Variants in SRL observed in about 807,000 individuals in gnomAD.
The protein encoded by SRL is sarcalumenin.
A neutral mutation model predicts 39.5 loss-of-function variants in SRL; 23 were observed. The observed-to-expected ratio is 0.58, with a 90% CI of 0.42 to 0.82. The LOEUF is 0.82. Ranked by LOEUF, SRL falls within the 40% of genes least tolerant of loss-of-function variation. SRL has a pLI of 0.00. For synonymous variants in SRL, 272 were observed against 237.4 expected (o/e 1.15, Z -1.34); for missense variants, 592 against 607.8 (o/e 0.97, Z 0.27).
intron 1 of SRL, among the ~76,000 whole-genome samples, chr16:4,235,330 C>A (rs546475526): frequency 6.6e-6 from 1 of 152,200 alleles, no homozygotes; most frequent in Non-Finnish European, 1.5e-5. Context: ...AGGGCACAGG[C>A]CTCACAGCCA....
chr16:4,194,609 G>T (rs1027400542), intron 5 of SRL, among the ~76,000 whole-genome samples: 21 of 152,134 alleles, frequency 1.4e-4, no homozygotes, highest in Non-Finnish European at 3.1e-4. Context: ...CAGGCCCTTG[G>T]CTACACAGGA....
At chr16:4,222,174 T>C (rs2052538245) in intron 1 of SRL, among the ~76,000 whole-genome samples, 2 of 152,186 alleles carry the variant, frequency 1.3e-5, no homozygotes, top group South Asian at 4.1e-4. Flanking sequence ...CCAGCTCACA[T>C]TTCAGATCTC....
At chr16:4,219,434 A>C in intron 1 of SRL, among the ~76,000 whole-genome samples, 1 of 152,114 alleles carries the variant, frequency 6.6e-6, no homozygotes, top group Non-Finnish European at 1.5e-5. Flanking sequence ...GGGCAGCCAC[A>C]GTAGTGTCAG....
At chr16:4,194,729 C>T (rs1462873772) in intron 5 of SRL, among the ~76,000 whole-genome samples, 1 of 152,090 alleles carries the variant, frequency 6.6e-6, no homozygotes, top group Non-Finnish European at 1.5e-5. Flanking sequence ...CAAACCAAAT[C>T]AGTCCTTGGG....
At chr16:4,232,587 C>A (rs922155822) in intron 1 of SRL, among the ~76,000 whole-genome samples, 1 of 152,012 alleles carries the variant, frequency 6.6e-6, no homozygotes, top group Non-Finnish European at 1.5e-5. Flanking sequence ...TACAGTTCAC[C>A]GCAGCCATGA....
Position 4,192,035 on chromosome 16 carries a change from C to G in SRL, c.*118G>C. Reference sequence around the variant, plus strand: ...ACCCCTGGCCTCAATGAACTCCCAACTCTCCACTGTGTAATAATTCCTGCC... The same window carrying G: ...ACCCCTGGCCTCAATGAACTCCCAAGTCTCCACTGTGTAATAATTCCTGCC... On this transcript the variant is annotated 3_prime_UTR_variant, in exon 6 of 6. Coordinates refer to ENST00000399609, the MANE Select transcript of SRL (RefSeq NM_001098814.2). This position sits in a 1 kb window ranked among gnomAD's most constrained non-coding sequence, Gnocchi z 4.0. The G allele has an allele frequency of 8.4e-7, 1 of 1,185,974 alleles. No homozygotes were observed. The highest frequency in any genetic ancestry group is 1.2e-6 in the Non-Finnish European group (1 of 838,034). 73.5% of individuals were successfully genotyped at this position (1,185,974 alleles called of 1,614,324 possible). A position where few individuals can be genotyped will look rare whatever the true frequency, so the allele number is the denominator to read the frequency against.
At position 4,193,531 on chromosome 16, in the gene SRL, T is replaced by C. The variant is rs2052095917; in HGVS notation, c.611-567A>G. On this transcript the variant is annotated intron_variant, in intron 5 of 5. Coordinates refer to ENST00000399609, the MANE Select transcript of SRL (RefSeq NM_001098814.2). ...GGAATGTGGGCTTAGCATTGAGACC[T>C]GGACTAGAATTTGAGCTTTGCCCCT... Among the ~76,000 whole-genome samples the C allele has an allele frequency of 2.6e-5, 4 of 152,344 alleles. No individual in the cohort carries two copies. In the South Asian group the frequency reaches 8.3e-4, roughly 32 times the overall value.
intron 1 of SRL, among the ~76,000 whole-genome samples, chr16:4,224,712 C>T (rs1021648895): frequency 1.3e-5 from 2 of 151,062 alleles, no homozygotes; most frequent in Admixed American, 6.6e-5. Flanking sequence ...AGAGCAAGAC[C>T]CTATCTCGAG....
intron 1 of SRL, among the ~76,000 whole-genome samples, chr16:4,208,828 A>G (rs2386881): frequency 0.56 from 84,849 of 151,902 alleles, 24,715 homozygotes; most frequent in African/African-American, 0.72. Context: ...CTGGCTTCCC[A>G]AAGGCTCTGG....
chr16:4,216,303 T>C (rs944025406), intron 1 of SRL, among the ~76,000 whole-genome samples: 8 of 152,132 alleles, frequency 5.3e-5, no homozygotes, highest in Non-Finnish European at 8.8e-5. Context: ...TGAGACAGCA[T>C]CTCTGTCACT....
At position 4,204,228 on chromosome 16, in the gene SRL, C is replaced by A. The variant is rs2059297; in HGVS notation, c.163+305G>T. ...AAAATCACAGCGAGGGAGATGGCAT[C>A]AGCACAGCATGGGGCTGCACTGGCT... is the stretch of plus-strand genomic sequence containing the variant. On this transcript the variant is annotated intron_variant, in intron 2 of 5. Transcript: ENST00000399609. 1.1e-4 allele frequency among the ~76,000 whole-genome samples: 16 copies of A among 152,194 alleles called. No individual in the cohort carries two copies. In the South Asian group the frequency reaches 1.7e-3, roughly 16 times the overall value.
In SRL at chr16:4,214,293, G is replaced by A. The variant is rs117249789; in HGVS notation, c.62-9659C>T. Among the ~76,000 whole-genome samples, 35 of 152,330 alleles carry A rather than the reference G, an allele frequency of 2.3e-4. 1 individual carries two copies. In the East Asian group the frequency reaches 6.8e-3, roughly 29 times the overall value. On this transcript the variant is annotated intron_variant, in intron 1 of 5. Coordinates refer to ENST00000399609, the MANE Select transcript of SRL (RefSeq NM_001098814.2). ...CATGTTTATAACAAGTACCTGCCAA[G>A]GTTATTCTTCCACATGACTTCTCAT...
At chr16:4,234,768 A>G (rs17136925) in intron 1 of SRL, among the ~76,000 whole-genome samples, 2,062 of 152,252 alleles carry the variant, frequency 0.014, 51 homozygotes, top group African/African-American at 0.047. Flanking sequence ...GCTCCAATTC[A>G]TTCATTCATT....
chr16:4,241,894 G>A (rs1196300005), intron 1 of SRL, 113 bp downstream of exon 1: 1 of 1,131,906 alleles, frequency 8.8e-7, no homozygotes, highest in Non-Finnish European at 1.3e-6. Context: ...CACCAGCCAA[G>A]AGCCAGGGTT....
Position 4,190,653 on chromosome 16 carries a change from A to G in SRL, c.*1500T>C, listed in dbSNP as rs564424632. The stretch of plus-strand genomic sequence containing the variant: ...CTAATCTCTCTTGGACAACATACAC[A>G]CATATTCACACTTATTGGTATTGAA... On this transcript the variant is annotated 3_prime_UTR_variant, in exon 6 of 6. Transcript: ENST00000399609. 2 of 396,240 alleles carry G rather than the reference A, an allele frequency of 5.0e-6. No individual in the cohort carries two copies. Among genetic ancestry groups the G allele is most frequent in the East Asian group, 7.2e-5 (2 of 27,912 alleles). The allele number at this position is 396,240 out of a possible 1,614,324, so 24.5% of individuals were successfully genotyped here. A position where few individuals can be genotyped will look rare whatever the true frequency, so the allele number is the denominator to read the frequency against.
chr16:4,225,104 G>C (rs2052572608), intron 1 of SRL, among the ~76,000 whole-genome samples: 1 of 152,140 alleles, frequency 6.6e-6, no homozygotes, highest in Admixed American at 6.5e-5. Flanking sequence ...ATGGATGGTG[G>C]AGGAGAACTG....
At chr16:4,226,611 A>G (rs931027480) in intron 1 of SRL, among the ~76,000 whole-genome samples, 6 of 151,846 alleles carry the variant, frequency 4.0e-5, no homozygotes, top group African/African-American at 1.5e-4. Flanking sequence ...GGATAAATAC[A>G]TGAATAGATA....
intron 1 of SRL, among the ~76,000 whole-genome samples, chr16:4,234,975 A>G (rs891352951): frequency 6.6e-6 from 1 of 152,198 alleles, no homozygotes; most frequent in African/African-American, 2.4e-5. Context: ...TGAAACACAG[A>G]CAGACTTGAG....
intron 1 of SRL, among the ~76,000 whole-genome samples, chr16:4,218,944 C>T (rs2052491107): frequency 6.6e-6 from 1 of 152,276 alleles, no homozygotes; most frequent in Non-Finnish European, 1.5e-5. Flanking sequence ...ACCAAAAGGC[C>T]AGATTTTTCA....
Sources: gnomAD v4.1 joint callset for allele counts (sites outside exome capture counted in the v4.1 genomes callset) on GRCh38, gnomAD v4.1.1 for gene constraint, Gnocchi (gnomAD v3.1) non-coding constraint, MANE v1.5 for transcripts, NCBI Gene and HGNC (gene_info 2026-07-23, HGNC 2026-07-21) for gene names.